XKR4: variants seen among roughly 807,000 people sequenced by gnomAD.
XKR4 encodes the protein XK related 4.
XKR4 carries 12 observed loss-of-function variants against 53.9 expected under a neutral mutation model. The ratio of observed to expected loss-of-function variants is 0.22; its 90% confidence interval spans 0.14 to 0.36. XKR4 has a LOEUF of 0.36. Among genes scored for constraint, XKR4 ranks in the 10% least tolerant of loss-of-function variants. The pLI is 1.00. For missense variants in XKR4, 799 were observed against 859.5 expected (o/e 0.93, Z 0.88); for synonymous variants, 354 against 362.4 (o/e 0.98, Z 0.26).
intron 1 of XKR4, among the ~76,000 whole-genome samples, chr8:55,226,229 C>A (rs557987798): frequency 6.6e-6 from 1 of 152,074 alleles, no homozygotes; most frequent in African/African-American, 2.4e-5. Flanking sequence ...ACAGGAAATG[C>A]CGGAAATGTG....
chr8:55,335,541 A>G (rs1459659342), intron 1 of XKR4, among the ~76,000 whole-genome samples: 5 of 152,196 alleles, frequency 3.3e-5, no homozygotes, highest in Admixed American at 3.3e-4. Flanking sequence ...TGATGCATGC[A>G]ATTATCATGT....
chr8:55,523,726 A>G lies in XKR4; in HGVS notation c.1452A>G (p.Ala484=), dbSNP rs1214941941. Residue 484 remains alanine (A), a synonymous_variant, in exon 3 of 3, where the codon GCA becomes GCG. Transcript: ENST00000327381. ...LWYLYKAPQI[A]DAFAIPALCV... ...ACCTCTACAAGGCTCCCCAGATTGC[A>G]GACGCATTTGCCATTCCAGCGCTGT... 6.2e-7 allele frequency: 1 copy of G among 1,614,184 alleles called. No individual in the cohort carries two copies. The highest frequency in any genetic ancestry group is 1.3e-5 in the African/African-American group (1 of 75,052).
At chr8:55,105,231 T>A (rs1233972890) in intron 1 of XKR4, among the ~76,000 whole-genome samples, 2 of 152,038 alleles carry the variant, frequency 1.3e-5, no homozygotes, top group African/African-American at 4.8e-5. Context: ...TTCTTAATTT[T>A]CTAGGGGAAT....
At chr8:55,507,507 G>A (rs571361439) in intron 2 of XKR4, among the ~76,000 whole-genome samples, 5 of 151,900 alleles carry the variant, frequency 3.3e-5, no homozygotes, top group South Asian at 2.1e-4. Context: ...ACCCCTCCCC[G>A]CACCCTACAA....
At position 55,533,275 on chromosome 8, in the gene XKR4, T is replaced by A. The variant is rs1307413029; in HGVS notation, c.*9048T>A. 2.6e-5 allele frequency: 4 copies of A among 152,184 alleles called. No homozygotes were observed. The highest frequency in any genetic ancestry group is 9.7e-5 in the African/African-American group (4 of 41,440). 9.4% of individuals were successfully genotyped at this position (152,184 alleles called of 1,614,324 possible). On this transcript the variant is annotated 3_prime_UTR_variant, in exon 3 of 3. Coordinates refer to ENST00000327381, the MANE Select transcript of XKR4 (RefSeq NM_052898.2). ...ACCTGTGGTTTTCTGCTGAGCCCCT[T>A]GTGATTTTTTTTATTCTATTCAAAT...
chr8:55,231,706 A>T (rs1036711416), intron 1 of XKR4, among the ~76,000 whole-genome samples: 7 of 152,228 alleles, frequency 4.6e-5, no homozygotes, highest in African/African-American at 1.4e-4. Context: ...CCTGTTTTGC[A>T]GATTTCCAGT....
intron 1 of XKR4, chr8:55,164,487 G>C (rs1486024433): frequency 8.8e-6 from 4 of 455,360 alleles, no homozygotes; most frequent in Non-Finnish European, 1.8e-5. Flanking sequence ...CTCCACAGCT[G>C]CAAGCTCAAT....
At chr8:55,492,956 G>A (rs1035899482) in intron 2 of XKR4, among the ~76,000 whole-genome samples, 2 of 152,208 alleles carry the variant, frequency 1.3e-5, no homozygotes, top group African/African-American at 4.8e-5. Flanking sequence ...TTACAAAGCT[G>A]TGGCTCAGAC....
At chr8:55,111,093 T>A (rs201412432) in intron 1 of XKR4, among the ~76,000 whole-genome samples, 1 of 152,242 alleles carries the variant, frequency 6.6e-6, no homozygotes, top group East Asian at 1.9e-4. Flanking sequence ...CTTTTGGGAA[T>A]TGGACTAAAT....
chr8:55,311,829 CAAAAAAAAAAAA>C (rs57826022), intron 1 of XKR4, among the ~76,000 whole-genome samples: 1 of 98,606 alleles, frequency 1.0e-5, no homozygotes, highest in African/African-American at 3.9e-5. Context: ...TGTAATTTAG[CAAAAAAAAAAAA>C]AAAAAAAAAA....
At chr8:55,173,509 A>T (rs2129358784) in intron 1 of XKR4, among the ~76,000 whole-genome samples, 1 of 152,238 alleles carries the variant, frequency 6.6e-6, no homozygotes, top group East Asian at 1.9e-4. Flanking sequence ...TACACCTTTG[A>T]TTGTGTTGTC....
In XKR4 at chr8:55,526,691, C is replaced by T. The variant is rs1806887030; in HGVS notation, c.*2464C>T. The T allele has an allele frequency of 6.6e-6, 1 of 152,168 alleles. No homozygotes were observed. The highest frequency in any genetic ancestry group is 2.4e-5 in the African/African-American group (1 of 41,432). The allele number at this position is 152,168 out of a possible 1,614,324, so 9.4% of individuals were successfully genotyped here. On this transcript the variant is annotated 3_prime_UTR_variant, in exon 3 of 3. Transcript: ENST00000327381. ...GATTCTATGAGTAAATCACAGATTA[C>T]AGTCTAATAGAGTCAATCAATCAAC...
Position 55,536,745 on chromosome 8 carries a change from A to G in XKR4, c.*12518A>G, listed in dbSNP as rs1807037354. 1 of 152,246 alleles carries G rather than the reference A, an allele frequency of 6.6e-6. No individual in the cohort carries two copies. 9.4% of individuals were successfully genotyped at this position (152,246 alleles called of 1,614,324 possible). On this transcript the variant is annotated 3_prime_UTR_variant, in exon 3 of 3. Transcript: ENST00000327381. ...ATTTTTATTTACTTTCAGCAAACAC[A>G]TGAATGAAAGAGGTCAGGTAGGCTG...
intron 2 of XKR4, among the ~76,000 whole-genome samples, chr8:55,388,834 T>C (rs571369234): frequency 6.6e-6 from 1 of 152,302 alleles, no homozygotes; most frequent in African/African-American, 2.4e-5. Context: ...CGGCTTACAC[T>C]CAAGCATTTA....
At chr8:55,388,210 AT>A (rs1260247605) in intron 2 of XKR4, among the ~76,000 whole-genome samples, 1 of 152,168 alleles carries the variant, frequency 6.6e-6, no homozygotes, top group Admixed American at 6.5e-5. Context: ...GAACAATGTC[AT>A]TTAATATTAA....
At chr8:55,473,195 C>CA (rs879894140) in intron 2 of XKR4, among the ~76,000 whole-genome samples, 2 of 152,004 alleles carry the variant, frequency 1.3e-5, no homozygotes, top group African/African-American at 2.4e-5. Context: ...ACCTTCTCTG[C>CA]AAAAAATACC....
chr8:55,130,239 CA>C (rs5891558), intron 1 of XKR4, among the ~76,000 whole-genome samples: 84,442 of 151,892 alleles, frequency 0.56, 24,267 homozygotes, highest in South Asian at 0.72. Flanking sequence ...TTATCTGCTA[CA>C]AAAAAAGTAA....
chr8:55,421,104 C>A (rs1804922099), intron 2 of XKR4, among the ~76,000 whole-genome samples: 1 of 152,184 alleles, frequency 6.6e-6, no homozygotes, highest in Admixed American at 6.5e-5. Flanking sequence ...TGAATTCAAG[C>A]CCTTGCTTTA....
chr8:55,345,530 G>T (rs572446463), intron 1 of XKR4, among the ~76,000 whole-genome samples: 5 of 152,164 alleles, frequency 3.3e-5, no homozygotes, highest in Non-Finnish European at 5.9e-5. Context: ...TCAAGTGTAT[G>T]CAGAGAAACC....
Sources: gnomAD v4.1 joint callset for allele counts (sites outside exome capture counted in the v4.1 genomes callset) on GRCh38, gnomAD v4.1.1 for gene constraint, MANE v1.5 for transcripts, NCBI Gene and HGNC (gene_info 2026-07-23, HGNC 2026-07-21) for gene names.